The following TNPO3 variants were observed in gnomAD, a reference collection of about 807,000 sequenced individuals.
TNPO3 encodes the protein transportin 3, also known as transportin-3.
In TNPO3, 65 loss-of-function variants were observed where a neutral mutation model predicts 122.8. That is an observed-to-expected ratio of 0.53 (90% confidence interval 0.43 to 0.65). The LOEUF is 0.65. TNPO3 is among the 30% of genes least tolerant of loss of function. The pLI is 0.00. For synonymous variants in TNPO3, 372 were observed against 411.2 expected, an observed-to-expected ratio of 0.90 and a Z score of 1.15; for missense variants, 850 against 1,136.7, an observed-to-expected ratio of 0.75 and a Z score of 3.63.
chr7:128,980,112 CTTAG>C, intron 14 of TNPO3, 81 bp from the exon 15 acceptor site: 1 of 1,208,616 alleles, frequency 8.3e-7, no homozygotes, highest in South Asian at 1.2e-5. Context: ...TGCTTGCTTA[CTTAG>C]TATCATTTTC....
intron 1 of TNPO3, among the ~76,000 whole-genome samples, chr7:129,039,301 C>T (rs1036552614): frequency 2.6e-5 from 4 of 152,168 alleles, no homozygotes; most frequent in Non-Finnish European, 4.4e-5. Context: ...GTGGCTCACA[C>T]CTATAATCCC....
chr7:129,039,647 C>T (rs1490183974), intron 1 of TNPO3, among the ~76,000 whole-genome samples: 3 of 152,062 alleles, frequency 2.0e-5, no homozygotes, highest in Non-Finnish European at 4.4e-5. Context: ...TATTCACAAA[C>T]GATAGCCAAA....
At chr7:128,961,727 A>G (rs1013952143) in intron 21 of TNPO3, among the ~76,000 whole-genome samples, 13 of 152,134 alleles carry the variant, frequency 8.5e-5, no homozygotes, top group Admixed American at 8.5e-4. Flanking sequence ...GCCCCATAAG[A>G]TTACTAGAGG....
At chr7:128,985,580 C>T (rs150227807) in intron 12 of TNPO3, among the ~76,000 whole-genome samples, 142 of 152,260 alleles carry the variant, frequency 9.3e-4, no homozygotes, top group African/African-American at 3.2e-3. Flanking sequence ...TGGCAACAAG[C>T]GAGACCCTGT....
chr7:128,956,733 C>T (rs769101960), intron 22 of TNPO3, among the ~76,000 whole-genome samples: 15 of 152,248 alleles, frequency 9.9e-5, no homozygotes, highest in Non-Finnish European at 2.1e-4. Context: ...CAATTCATAC[C>T]TCCTGCCCTG....
Position 129,000,563 on chromosome 7 carries a change from G to A in TNPO3, c.877C>T (p.Leu293=). ...AVAREDLDKV[L]NYCRIFTELC... is the part of the protein sequence containing the mutation. Reference sequence around the variant, plus strand: ...TCAGTGAAAATACGGCAGTAATTCAGAACTCTGTAGAAGACAGGGGAATGA... The same window carrying A: ...TCAGTGAAAATACGGCAGTAATTCAAAACTCTGTAGAAGACAGGGGAATGA... Residue 293 remains leucine (L), a synonymous_variant, in exon 7 of 23, where the codon CTG becomes TTG. Coordinates refer to ENST00000265388, the MANE Select transcript of TNPO3 (RefSeq NM_012470.4). 1.2e-6 allele frequency: 2 copies of A among 1,613,376 alleles called. No homozygotes were observed. The highest frequency in any genetic ancestry group is 1.7e-6 in the Non-Finnish European group (2 of 1,179,688).
chr7:128,991,884 A>G, intron 10 of TNPO3, 115 bp downstream of exon 10: 1 of 569,788 alleles, frequency 1.8e-6, no homozygotes, highest in East Asian at 3.1e-5. Context: ...GGCACAACAG[A>G]AGTAAGAAGT....
At chr7:128,988,383 A>G (rs995993517) in intron 11 of TNPO3, among the ~76,000 whole-genome samples, 1 of 152,224 alleles carries the variant, frequency 6.6e-6, no homozygotes, top group Non-Finnish European at 1.5e-5. Context: ...CCAAAAAGAA[A>G]AAAACAAAAC....
rs117325155 is a variant in TNPO3, at chr7:129,047,865, C to T, written c.120+6786G>A. Among the ~76,000 whole-genome samples, 14 of 152,184 alleles carry T rather than the reference C, an allele frequency of 9.2e-5. No homozygotes were observed. In the East Asian group the frequency reaches 2.1e-3, roughly 23 times the overall value. On this transcript the variant is annotated intron_variant, in intron 1 of 22. Transcript: ENST00000265388. ...TTTTGTTCCAGTAGACAAAATCTTC[C>T]GGAAAGAAAAAAACCACCACACACA...
intron 1 of TNPO3, among the ~76,000 whole-genome samples, chr7:129,025,966 A>G (rs1177147676): frequency 6.6e-6 from 1 of 152,028 alleles, no homozygotes; most frequent in Non-Finnish European, 1.5e-5. Context: ...TCTCTGCTAA[A>G]AATGCAAAAA....
At chr7:128,972,363 G>T in intron 19 of TNPO3, 63 bp downstream of exon 19, 1 of 1,529,778 alleles carries the variant, frequency 6.5e-7, no homozygotes, top group Admixed American at 1.9e-5. Flanking sequence ...TTTCTCCTAA[G>T]GAATGACAAA....
chr7:129,036,166 G>T (rs1353544480), intron 1 of TNPO3, among the ~76,000 whole-genome samples: 1 of 151,946 alleles, frequency 6.6e-6, no homozygotes, highest in East Asian at 1.9e-4. Context: ...TATTGGCCAG[G>T]CTGGTCTTGA....
At chr7:129,043,484 C>T (rs551430630) in intron 1 of TNPO3, among the ~76,000 whole-genome samples, 1 of 152,252 alleles carries the variant, frequency 6.6e-6, no homozygotes, top group East Asian at 1.9e-4. Context: ...GGGGTCTTCC[C>T]GGATTCTTTG....
chr7:128,970,093 A>G (rs571614050), intron 20 of TNPO3, 55 bp downstream of exon 20: 1 of 1,609,450 alleles, frequency 6.2e-7, no homozygotes, highest in Non-Finnish European at 8.5e-7. Flanking sequence ...TTAAGGAACC[A>G]AAGCCTATTA....
intron 1 of TNPO3, among the ~76,000 whole-genome samples, chr7:129,042,664 G>A (rs1284205569): frequency 1.3e-5 from 2 of 151,658 alleles, no homozygotes; most frequent in African/African-American, 2.4e-5. Context: ...TAATTTTCTC[G>A]GACAGTGGGA....
At chr7:129,021,412 G>GT (rs552090492) in intron 1 of TNPO3, among the ~76,000 whole-genome samples, 1 of 151,058 alleles carries the variant, frequency 6.6e-6, no homozygotes, top group South Asian at 2.1e-4. Flanking sequence ...CCAATAGCCA[G>GT]TAAGTATAAG....
rs1385305064 is a variant in TNPO3 at position 129,015,034 on chromosome 7, C to T, written c.497G>A (p.Arg166His). ...SRSLRIGANR[R>H]TEIIEDLAFY... is the part of the protein sequence containing the mutation. ...GGCCAAATCTTCTATAATTTCTGTG[C>T]GCCGATTAGCTCCAATTCGTAAGGA... The change falls in exon 4 of 23, where the codon CGC becomes CAC. Residue 166 changes from arginine (R) to histidine (H), a missense_variant. Transcript: ENST00000265388. 3 of 1,612,752 alleles carry T rather than the reference C, an allele frequency of 1.9e-6. No individual in the cohort carries two copies. The highest frequency in any genetic ancestry group is 1.7e-6 in the Non-Finnish European group (2 of 1,179,816).
At chr7:129,017,528 C>T (rs1162771019) in intron 2 of TNPO3, among the ~76,000 whole-genome samples, 5 of 152,156 alleles carry the variant, frequency 3.3e-5, no homozygotes, top group Admixed American at 3.3e-4. Flanking sequence ...CACTTCTATG[C>T]CAGGCAGAGA....
Position 128,980,045 on chromosome 7 carries a change from A to G in TNPO3, c.1860-14T>C. ...GGATTGGTATGCCTGGGAAAAGACA[A>G]CAGCCCAAAATAGTGAACAAAGACC... On this transcript the variant is annotated splice_polypyrimidine_tract_variant and intron_variant, in intron 14 of 22. Coordinates refer to ENST00000265388, the MANE Select transcript of TNPO3 (RefSeq NM_012470.4). 6.2e-7 allele frequency: 1 copy of G among 1,613,886 alleles called. No homozygotes were observed. The highest frequency in any genetic ancestry group is 8.5e-7 in the Non-Finnish European group (1 of 1,179,748).
Sources: allele counts gnomAD v4.1 joint callset (sites outside exome capture counted in the v4.1 genomes callset), GRCh38; gene constraint gnomAD v4.1.1; transcripts MANE v1.5; gene names NCBI Gene and HGNC (gene_info 2026-07-23, HGNC 2026-07-21).